DZIP1: variants seen among roughly 807,000 people sequenced by gnomAD.
DZIP1 encodes DAZ interacting zinc finger protein 1, also known as cilium assembly protein DZIP1.
In DZIP1, 97 loss-of-function variants were observed where a neutral mutation model predicts 107.6. That is an observed-to-expected ratio of 0.90 (90% confidence interval 0.77 to 1.07). The LOEUF is 1.07. Among genes scored for constraint, DZIP1 ranks in the 50% least tolerant of loss-of-function variants. DZIP1 has a pLI of 0.00. For missense variants in DZIP1, 1,035 were observed against 1,063.6 expected, an observed-to-expected ratio of 0.97 and a Z score of 0.37; for synonymous variants, 390 against 386.4, an observed-to-expected ratio of 1.01 and a Z score of -0.11.
chr13:95,589,185 C>A lies in DZIP1; in HGVS notation c.1996G>T (p.Asp666Tyr), dbSNP rs773186628. Reference protein sequence around the residue: ...VPKIKKNVMEDPFPRKSSTIT... With the variant: ...VPKIKKNVMEYPFPRKSSTIT... ...GTTGAAGACTTTCTGGGAAAAGGAT[C>A]TTCCATGACATTTTTCTTAATTCTA... is the stretch of plus-strand genomic sequence containing the variant. The change falls in exon 19 of 23, where the codon GAT becomes TAT. Residue 666 changes from aspartate to tyrosine, a missense_variant. Coordinates refer to ENST00000376829, the MANE Select transcript of DZIP1 (RefSeq NM_198968.4). The A allele has an allele frequency of 6.2e-7, 1 of 1,606,624 alleles. No individual in the cohort carries two copies. Among genetic ancestry groups the A allele is most frequent in the Admixed American group, 1.7e-5 (1 of 58,742 alleles).
chr13:95,584,334 G>A (rs1216711538), intron 22 of DZIP1, among the ~76,000 whole-genome samples: 2 of 151,384 alleles, frequency 1.3e-5, no homozygotes, highest in Non-Finnish European at 2.9e-5. Context: ...GGTGGCCCAT[G>A]CCTGTAATCC....
At position 95,582,012 on chromosome 13, in the gene DZIP1, G is replaced by A. The variant is rs561020672; in HGVS notation, c.*222C>T. On this transcript the variant is annotated 3_prime_UTR_variant, in exon 23 of 23. Transcript: ENST00000376829. ...TGACATGTTATTTTTAAGCAGCAGC[G>A]GAAGTCTTAAACACCTTTACATGCT... is the stretch of plus-strand genomic sequence containing the variant. 36 of 404,916 alleles carry A rather than the reference G, an allele frequency of 8.9e-5. No individual in the cohort carries two copies. Among genetic ancestry groups the A allele is most frequent in the African/African-American group, 2.0e-4 (10 of 49,142 alleles). The allele number at this position is 404,916 out of a possible 1,614,324, so 25.1% of individuals were successfully genotyped here.
chr13:95,595,151 C>A (rs115959749), intron 15 of DZIP1, among the ~76,000 whole-genome samples: 2 of 152,166 alleles, frequency 1.3e-5, no homozygotes, highest in Admixed American at 6.5e-5. Context: ...CCAGGCCACC[C>A]GAGAGACTCT....
chr13:95,594,691 T>A (rs1219021917), intron 15 of DZIP1, among the ~76,000 whole-genome samples: 1 of 152,054 alleles, frequency 6.6e-6, no homozygotes, highest in African/African-American at 2.4e-5. Context: ...AGAAGCTAAG[T>A]ACATATAAAA....
At chr13:95,633,093 G>A in intron 6 of DZIP1, 141 bp downstream of exon 6, 1 of 751,610 alleles carries the variant, frequency 1.3e-6, no homozygotes, top group South Asian at 1.9e-5. Context: ...ACCTCCTGAG[G>A]GCTCCATATT....
At chr13:95,595,375 A>C (rs1194623792) in intron 15 of DZIP1, among the ~76,000 whole-genome samples, 1 of 26,804 alleles carries the variant, frequency 3.7e-5, no homozygotes, top group Non-Finnish European at 7.4e-5. Context: ...CATTAAATAG[A>C]AGAACAAAAT....
intron 19 of DZIP1, 44 bp from the exon 20 acceptor site, chr13:95,587,773 C>T: frequency 6.4e-7 from 1 of 1,571,734 alleles, no homozygotes; most frequent in Non-Finnish European, 8.6e-7. Flanking sequence ...TTTCGTAACG[C>T]TTTAGGATTT....
At chr13:95,587,060 A>G (rs147326073) in intron 20 of DZIP1, among the ~76,000 whole-genome samples, 13 of 152,354 alleles carry the variant, frequency 8.5e-5, no homozygotes, top group African/African-American at 3.1e-4. Context: ...AATCAAGGTA[A>G]AGTGAGGTCA....
intron 13 of DZIP1, among the ~76,000 whole-genome samples, chr13:95,608,040 A>G (rs1283598578): frequency 6.6e-6 from 1 of 152,240 alleles, no homozygotes; most frequent in Non-Finnish European, 1.5e-5. Flanking sequence ...TTAAGTGATG[A>G]AAACTTCCCT....
chr13:95,611,662 C>A (rs1212885398), intron 11 of DZIP1, among the ~76,000 whole-genome samples, 169 bp from the exon 12 acceptor site: 6 of 152,166 alleles, frequency 3.9e-5, no homozygotes, highest in Admixed American at 2.6e-4. Flanking sequence ...TTACCCAAAC[C>A]TCACCATCAC....
chr13:95,620,004 T>C (rs1594710221), intron 9 of DZIP1, 57 bp from the exon 10 acceptor site: 4 of 1,573,296 alleles, frequency 2.5e-6, no homozygotes. Context: ...ATCTATGCAA[T>C]ATGGGAGCTT....
At chr13:95,631,676 T>C (rs1877214346) in intron 6 of DZIP1, among the ~76,000 whole-genome samples, 1 of 152,164 alleles carries the variant, frequency 6.6e-6, no homozygotes, top group Non-Finnish European at 1.5e-5. Context: ...ATATTGTCGG[T>C]GGTGCACACC....
At chr13:95,608,446 G>A (rs916698624) in intron 13 of DZIP1, among the ~76,000 whole-genome samples, 2 of 133,536 alleles carry the variant, frequency 1.5e-5, no homozygotes, top group African/African-American at 5.6e-5. Context: ...TATAGACTTG[G>A]GTTTTTTTTT....
At chr13:95,584,064 C>A (rs898997323) in intron 22 of DZIP1, among the ~76,000 whole-genome samples, 3 of 151,988 alleles carry the variant, frequency 2.0e-5, no homozygotes, top group African/African-American at 7.2e-5. Context: ...GCAACCTCCA[C>A]TTCCCAGGTT....
rs1445394060 is a variant in DZIP1, at chr13:95,641,927, C to T, written c.36+67G>A. 6.1e-6 allele frequency: 9 copies of T among 1,472,678 alleles called. No individual in the cohort carries two copies. The African/African-American group carries it at 8.9e-5, about 15-fold the overall frequency. The allele number at this position is 1,472,678 out of a possible 1,614,324, so 91.2% of individuals were successfully genotyped here. ...CGGGCAGGCTGGGGAGCTGGGGGTC[C>T]GGGGAAGCCCCGGTTCTCCCCAGCC... On this transcript the variant is annotated intron_variant, in intron 4 of 22. Coordinates refer to ENST00000376829, the MANE Select transcript of DZIP1 (RefSeq NM_198968.4). The surrounding 1 kb of genome is among the most constrained non-coding windows in gnomAD (Gnocchi z 4.3).
At chr13:95,584,589 C>A in intron 22 of DZIP1, 147 bp downstream of exon 22, 1 of 1,410,394 alleles carries the variant, frequency 7.1e-7, no homozygotes, top group East Asian at 2.4e-5. Context: ...TATGCATATC[C>A]AATCCTTATT....
At chr13:95,630,642 G>A (rs1877085707) in intron 6 of DZIP1, 12 of 1,091,764 alleles carry the variant, frequency 1.1e-5, no homozygotes, top group Non-Finnish European at 1.4e-5. Flanking sequence ...AACTGGGGTA[G>A]AAGTGAGGTA....
In DZIP1 at chr13:95,579,915, G is replaced by A. The variant is rs982507604; in HGVS notation, c.*2319C>T. The A allele has an allele frequency of 6.6e-6, 1 of 152,082 alleles. No homozygotes were observed. Among genetic ancestry groups the A allele is most frequent in the South Asian group, 2.1e-4 (1 of 4,820 alleles). 9.4% of individuals were successfully genotyped at this position (152,082 alleles called of 1,614,324 possible). On this transcript the variant is annotated 3_prime_UTR_variant, in exon 23 of 23. Coordinates refer to ENST00000376829, the MANE Select transcript of DZIP1 (RefSeq NM_198968.4). ...GTGCAGATAACGCTTAGATTACACCGAAGAATTTAGGGAGGGTGGGGGATG... is the reference window on the plus strand; with the variant it reads ...GTGCAGATAACGCTTAGATTACACCAAAGAATTTAGGGAGGGTGGGGGATG...
In DZIP1 at chr13:95,612,037, C is replaced by G; in HGVS notation, c.1314G>C (p.Gln438His). 1.2e-6 allele frequency: 2 copies of G among 1,613,270 alleles called. No individual in the cohort carries two copies. The highest frequency in any genetic ancestry group is 1.7e-6 in the Non-Finnish European group (2 of 1,179,904). The change falls in exon 11 of 23, where the codon CAG becomes CAC. Residue 438 changes from glutamine to histidine, a missense_variant and splice_region_variant. Transcript: ENST00000376829. ...QNELIITQRQQIKDFTCNPLN... is the reference protein window; with the variant it reads ...QNELIITQRQHIKDFTCNPLN... ...GGTGCCACACTGCCGCCAGACATAC[C>G]TGCTGTCTCTGAGTTATAATCAGCT...
Sources: allele counts gnomAD v4.1 joint callset (sites outside exome capture counted in the v4.1 genomes callset), GRCh38; gene constraint gnomAD v4.1.1; non-coding constraint Gnocchi (gnomAD v3.1); transcripts MANE v1.5; gene names NCBI Gene and HGNC (gene_info 2026-07-23, HGNC 2026-07-21).